The following LRRTM4 variants were observed in gnomAD, a reference collection of about 807,000 sequenced individuals.
The protein encoded by LRRTM4 is leucine rich repeat transmembrane neuronal 4.
In LRRTM4, 25 loss-of-function variants were observed where a neutral mutation model predicts 47.6. The observed-to-expected ratio is 0.53, with a 90% CI of 0.38 to 0.73. The LOEUF (loss-of-function observed/expected upper bound fraction) is 0.73, where lower values mean the gene tolerates loss of function less well. Ranked by LOEUF, LRRTM4 falls within the 30% of genes least tolerant of loss-of-function variation. LRRTM4 has a pLI of 0.00. For missense variants in LRRTM4, 638 were observed against 713.4 expected (o/e 0.89, Z 1.20); for synonymous variants, 311 against 269.5 (o/e 1.15, Z -1.51).
intron 3 of LRRTM4, among the ~76,000 whole-genome samples, chr2:77,390,117 A>G (rs1411028259): frequency 6.6e-6 from 1 of 152,100 alleles, no homozygotes; most frequent in East Asian, 1.9e-4. Context: ...AGTCTTAAAC[A>G]TCTACTTTCA....
intron 3 of LRRTM4, among the ~76,000 whole-genome samples, chr2:76,951,612 AATAG>A (rs1430117181): frequency 2.6e-5 from 4 of 151,942 alleles, no homozygotes; most frequent in African/African-American, 7.2e-5. Flanking sequence ...ACCTTCAGAT[AATAG>A]ATAATTTTTT....
At chr2:77,357,647 T>A (rs1329923139) in intron 3 of LRRTM4, among the ~76,000 whole-genome samples, 1 of 152,214 alleles carries the variant, frequency 6.6e-6, no homozygotes, top group Non-Finnish European at 1.5e-5. Context: ...AGACATGGTG[T>A]CATCACAGCA....
chr2:76,848,974 TCACACA>T (rs1671913493), intron 3 of LRRTM4, among the ~76,000 whole-genome samples: 2 of 152,134 alleles, frequency 1.3e-5, no homozygotes, highest in African/African-American at 4.8e-5. Flanking sequence ...TGGTGACAGG[TCACACA>T]GGCCATCTGT....
chr2:76,805,809 A>AAAAC (rs145013975), intron 3 of LRRTM4, among the ~76,000 whole-genome samples: 1,740 of 152,022 alleles, frequency 0.011, 12 homozygotes, highest in Admixed American at 0.019. Context: ...AGACCTCCAT[A>AAAAC]AAACAAACAA....
chr2:77,200,653 C>G (rs1024746484), intron 3 of LRRTM4, among the ~76,000 whole-genome samples: 1 of 151,978 alleles, frequency 6.6e-6, no homozygotes, highest in African/African-American at 2.4e-5. Flanking sequence ...AATCTTCACT[C>G]ATTATTTTTT....
chr2:76,851,090 G>T (rs1671979384), intron 3 of LRRTM4, among the ~76,000 whole-genome samples: 1 of 152,142 alleles, frequency 6.6e-6, no homozygotes, highest in East Asian at 1.9e-4. Context: ...GCACATTCAG[G>T]GAACACTGTG....
At chr2:77,347,787 T>A (rs1671623126) in intron 3 of LRRTM4, among the ~76,000 whole-genome samples, 1 of 152,234 alleles carries the variant, frequency 6.6e-6, no homozygotes, top group South Asian at 2.1e-4. Flanking sequence ...TTGCAGCCCA[T>A]ATTCTTGGTA....
chr2:76,867,549 AGC>A (rs1672502276), intron 3 of LRRTM4, among the ~76,000 whole-genome samples: 1 of 152,180 alleles, frequency 6.6e-6, no homozygotes, highest in Non-Finnish European at 1.5e-5. Context: ...GTTAGAAGTT[AGC>A]TGCTATAATA....
intron 3 of LRRTM4, among the ~76,000 whole-genome samples, chr2:77,339,563 G>A (rs1014846119): frequency 6.6e-6 from 1 of 152,020 alleles, no homozygotes; most frequent in Admixed American, 6.6e-5. Context: ...CCTTCAATTA[G>A]AGATGAAGAA....
intron 3 of LRRTM4, among the ~76,000 whole-genome samples, chr2:77,241,363 G>A (rs535966269): frequency 1.3e-5 from 2 of 152,096 alleles, no homozygotes; most frequent in East Asian, 1.9e-4. Context: ...TTAGATATCC[G>A]TGTGCAAAAT....
At chr2:77,246,848 C>A (rs940827250) in intron 3 of LRRTM4, among the ~76,000 whole-genome samples, 5 of 151,814 alleles carry the variant, frequency 3.3e-5, no homozygotes, top group African/African-American at 1.2e-4. Flanking sequence ...TACATATATG[C>A]ATATATAGAC....
intron 3 of LRRTM4, among the ~76,000 whole-genome samples, chr2:77,379,006 C>A (rs1426691387): frequency 6.6e-6 from 1 of 151,960 alleles, no homozygotes; most frequent in South Asian, 2.1e-4. Context: ...ATATTGTTGT[C>A]ATTTGTCCAT....
chr2:76,885,781 T>A (rs76515106), intron 3 of LRRTM4, among the ~76,000 whole-genome samples: 8,214 of 152,068 alleles, frequency 0.054, 478 homozygotes, highest in African/African-American at 0.13. Context: ...ATACTTTTTT[T>A]AAAAAAAGCT....
chr2:77,469,700 TATCTGTATAGCATATA>T (rs1677111084), intron 3 of LRRTM4, among the ~76,000 whole-genome samples: 2 of 151,250 alleles, frequency 1.3e-5, no homozygotes, highest in Admixed American at 6.6e-5. Flanking sequence ...GAATTTTTTT[TATCTGTATAGCATATA>T]TATATGTATA....
At chr2:76,763,155 A>T (rs1673323347) in intron 3 of LRRTM4, among the ~76,000 whole-genome samples, 1 of 152,134 alleles carries the variant, frequency 6.6e-6, no homozygotes. Context: ...TTTACTAGGG[A>T]ATTTATTCTC....
intron 3 of LRRTM4, among the ~76,000 whole-genome samples, chr2:77,356,374 C>A (rs1005514324): frequency 4.6e-5 from 7 of 151,950 alleles, no homozygotes; most frequent in African/African-American, 1.7e-4. Context: ...GCATAAGTAA[C>A]TCAATGAGAA....
intron 3 of LRRTM4, among the ~76,000 whole-genome samples, chr2:77,172,457 G>T (rs79797691): frequency 6.6e-6 from 1 of 152,118 alleles, no homozygotes; most frequent in Non-Finnish European, 1.5e-5. Flanking sequence ...AGCCAGACGT[G>T]GTGGGTCATG....
chr2:77,268,360 G>A (rs909878790), intron 3 of LRRTM4, among the ~76,000 whole-genome samples: 1 of 151,624 alleles, frequency 6.6e-6, no homozygotes, highest in African/African-American at 2.4e-5. Flanking sequence ...TCATTTTTTG[G>A]CCCTTCCCTC....
intron 3 of LRRTM4, among the ~76,000 whole-genome samples, chr2:76,982,044 T>C (rs1420407845): frequency 1.3e-5 from 2 of 152,028 alleles, no homozygotes; most frequent in East Asian, 3.9e-4. Flanking sequence ...ACAAAAGGAT[T>C]GTGCTCAGTG....
Sources: allele counts gnomAD v4.1 joint callset (sites outside exome capture counted in the v4.1 genomes callset), GRCh38; gene constraint gnomAD v4.1.1; transcripts MANE v1.5; gene names NCBI Gene and HGNC (gene_info 2026-07-23, HGNC 2026-07-21).